The following EHD2 variants were observed in gnomAD, a reference collection of about 807,000 sequenced individuals.
The protein encoded by EHD2 is EH domain-containing protein 2.
Under a neutral mutation model 41.0 loss-of-function variants are expected in EHD2, and 27 were observed. That is an observed-to-expected ratio of 0.66 (90% confidence interval 0.49 to 0.91). The LOEUF (loss-of-function observed/expected upper bound fraction) is 0.91. EHD2 is among the 40% of genes least tolerant of loss of function. The pLI, the probability that EHD2 is intolerant of heterozygous loss-of-function variation, is 0.00. For synonymous variants in EHD2, 342 were observed against 341.0 expected (o/e 1.00, Z -0.03); for missense variants, 673 against 773.9 (o/e 0.87, Z 1.55).
At chr19:47,728,775 G>A (rs999329534) in intron 4 of EHD2, among the ~76,000 whole-genome samples, 2 of 151,976 alleles carry the variant, frequency 1.3e-5, no homozygotes, top group African/African-American at 4.8e-5. Flanking sequence ...TCACCATATT[G>A]GTCAGGCTGG....
intron 5 of EHD2, among the ~76,000 whole-genome samples, chr19:47,739,992 C>T (rs938148440): frequency 2.0e-5 from 3 of 152,224 alleles, no homozygotes; most frequent in African/African-American, 7.2e-5. Flanking sequence ...ACCTTGTTGC[C>T]CAAGTATCTT....
chr19:47,718,762 G>A (rs1288842933), intron 3 of EHD2, among the ~76,000 whole-genome samples, 156 bp downstream of exon 3: 1 of 133,996 alleles, frequency 7.5e-6, no homozygotes, highest in African/African-American at 3.2e-5. Flanking sequence ...GCTGGGGTCT[G>A]GACTCCTGGA....
intron 5 of EHD2, 106 bp from the exon 6 acceptor site, chr19:47,740,775 C>T (rs940985586): frequency 8.1e-7 from 1 of 1,227,294 alleles, no homozygotes; most frequent in Non-Finnish European, 1.1e-6. Context: ...AAAAACCCCA[C>T]AACAGCTACC....
intron 5 of EHD2, among the ~76,000 whole-genome samples, chr19:47,737,201 G>A (rs528642200): frequency 8.8e-5 from 13 of 146,978 alleles, no homozygotes; most frequent in African/African-American, 2.8e-4. Flanking sequence ...ACTTTACTCC[G>A]GCCTAGGCAA....
chr19:47,726,698 A>G (rs1973757130), intron 4 of EHD2, among the ~76,000 whole-genome samples: 1 of 150,272 alleles, frequency 6.7e-6, no homozygotes, highest in South Asian at 2.1e-4. Flanking sequence ...TTTTTAAGAG[A>G]TGGAGTCTCG....
chr19:47,741,669 T>TCA lies in EHD2; in HGVS notation c.*247_*248dup. 1.6e-6 allele frequency: 1 copy of TCA among 628,564 alleles called. No individual in the cohort carries two copies. Among genetic ancestry groups the TCA allele is most frequent in the Non-Finnish European group, 2.8e-6 (1 of 353,710 alleles). 38.9% of individuals were successfully genotyped at this position (628,564 alleles called of 1,614,324 possible). On this transcript the variant is annotated 3_prime_UTR_variant, in exon 6 of 6. Coordinates refer to ENST00000263277, the MANE Select transcript of EHD2 (RefSeq NM_014601.4). This position sits in a 1 kb window ranked among gnomAD's most constrained non-coding sequence, Gnocchi z 4.5. ...CCAGCCTCACGTTCACTTAGGCACA[T>TCA]CACACACACACTGGCACACGCAGGC...
At chr19:47,727,129 A>T (rs1973761377) in intron 4 of EHD2, among the ~76,000 whole-genome samples, 1 of 151,554 alleles carries the variant, frequency 6.6e-6, no homozygotes, top group South Asian at 2.1e-4. Context: ...TTTGAGACGG[A>T]GTTTTGCTCT....
rs377072399 is a variant in EHD2, at chr19:47,736,413, T to C, written c.960T>C (p.Ser320=). 9.3e-6 allele frequency: 15 copies of C among 1,613,312 alleles called. No homozygotes were observed. Among genetic ancestry groups the C allele is most frequent in the Admixed American group, 1.7e-5 (1 of 59,872 alleles). Residue 320 remains serine, a synonymous_variant, in exon 5 of 6, where the codon TCT becomes TCC. Coordinates refer to ENST00000263277, the MANE Select transcript of EHD2 (RefSeq NM_014601.4). The stretch of plus-strand genomic sequence containing the variant: ...GCTACCTGAAGAAGGAGATGCCCTC[T>C]GTGTTTGGGAAGGAGAACAAGAAGA... ...IISYLKKEMP[S]VFGKENKKKQ...
At chr19:47,723,315 C>T (rs779051003) in intron 3 of EHD2, among the ~76,000 whole-genome samples, 6 of 152,156 alleles carry the variant, frequency 3.9e-5, no homozygotes, top group Non-Finnish European at 7.3e-5. Flanking sequence ...GTACATCCAG[C>T]ACTGTTTTTA....
rs1052848393 is a variant in EHD2, at chr19:47,719,102, C to A, written c.502+496C>A. Among the ~76,000 whole-genome samples the A allele has an allele frequency of 3.3e-5, 5 of 152,086 alleles. No individual in the cohort carries two copies. Among genetic ancestry groups the A allele is most frequent in the Non-Finnish European group, 5.9e-5 (4 of 68,008 alleles). ...GCTGTGACTGCTCCATGCTGGCTCG[C>A]ATTGATGGGTGGGGGAGGTGTGTGG... On this transcript the variant is annotated intron_variant, in intron 3 of 5. Coordinates refer to ENST00000263277, the MANE Select transcript of EHD2 (RefSeq NM_014601.4). This position sits in a 1 kb window ranked among gnomAD's most constrained non-coding sequence, Gnocchi z 4.1.
At chr19:47,725,786 C>A (rs772046356) in intron 3 of EHD2, 26 bp from the exon 4 acceptor site, 2 of 1,555,552 alleles carry the variant, frequency 1.3e-6, no homozygotes, top group Non-Finnish European at 1.7e-6. Flanking sequence ...GCCCCTTGCG[C>A]CCCTGTCTCT....
At chr19:47,739,181 A>G (rs1428304018) in intron 5 of EHD2, among the ~76,000 whole-genome samples, 1 of 151,504 alleles carries the variant, frequency 6.6e-6, no homozygotes, top group Non-Finnish European at 1.5e-5. Context: ...CGCTCACTGC[A>G]ACCTCTGTCT....
At chr19:47,739,957 T>TG (rs1265372058) in intron 5 of EHD2, among the ~76,000 whole-genome samples, 1 of 152,168 alleles carries the variant, frequency 6.6e-6, no homozygotes, top group Non-Finnish European at 1.5e-5. Context: ...CCAGTAATTC[T>TG]GGGGCACAGG....
chr19:47,715,611 G>T (rs942242976), intron 1 of EHD2, among the ~76,000 whole-genome samples: 1 of 152,078 alleles, frequency 6.6e-6, no homozygotes, highest in Non-Finnish European at 1.5e-5. Context: ...AATGATGGAA[G>T]GGAGAAGGGA....
chr19:47,717,199 C>G (rs1055730833), intron 2 of EHD2, among the ~76,000 whole-genome samples, 183 bp downstream of exon 2: 5 of 152,110 alleles, frequency 3.3e-5, no homozygotes, highest in African/African-American at 1.2e-4. Context: ...AGACACCCAC[C>G]ACCACGCCAA....
Position 47,733,539 on chromosome 19 carries a change from C to T in EHD2, c.916-2830C>T, listed in dbSNP as rs150673801. Among the ~76,000 whole-genome samples the T allele has an allele frequency of 3.8e-3, 575 of 151,024 alleles. 5 individuals carry two copies. Among genetic ancestry groups the T allele is most frequent in the African/African-American group, 0.013 (553 of 41,176 alleles). On this transcript the variant is annotated intron_variant, in intron 4 of 5. Coordinates refer to ENST00000263277, the MANE Select transcript of EHD2 (RefSeq NM_014601.4). ...ATACAAAAATTATCATGGTGGCGGG[C>T]GCCTGTAGTCCCAGCTACTTGGGAG... is the stretch of plus-strand genomic sequence containing the variant.
Position 47,742,089 on chromosome 19 carries a change from C to G in EHD2, c.*657C>G. The G allele has an allele frequency of 2.8e-6, 1 of 360,042 alleles. No individual in the cohort carries two copies. Among genetic ancestry groups the G allele is most frequent in the South Asian group, 2.1e-5 (1 of 48,518 alleles). 22.3% of individuals were successfully genotyped at this position (360,042 alleles called of 1,614,324 possible). A position where few individuals can be genotyped will look rare whatever the true frequency, so the allele number is the denominator to read the frequency against. ...CCCCTCCGCAGCCCCTTCCCTTGCT[C>G]GGGGAAAGCCCCCAATTCTGCCCAC... On this transcript the variant is annotated 3_prime_UTR_variant, in exon 6 of 6. Coordinates refer to ENST00000263277, the MANE Select transcript of EHD2 (RefSeq NM_014601.4).
intron 4 of EHD2, among the ~76,000 whole-genome samples, chr19:47,734,107 G>A (rs758382150): frequency 2.6e-5 from 4 of 152,194 alleles, no homozygotes; most frequent in Non-Finnish European, 4.4e-5. Flanking sequence ...GCCACCTTGG[G>A]TGTCTCCCCA....
At position 47,719,004 on chromosome 19, in the gene EHD2, G is replaced by A. The variant is rs191185982; in HGVS notation, c.502+398G>A. Among the ~76,000 whole-genome samples, 213 of 152,210 alleles carry A rather than the reference G, an allele frequency of 1.4e-3. No individual in the cohort carries two copies. Among genetic ancestry groups the A allele is most frequent in the African/African-American group, 4.9e-3 (202 of 41,550 alleles). The stretch of plus-strand genomic sequence containing the variant: ...CTCCTGGGTCTAGAGGAGGAGGGGC[G>A]GTGTCTCCGCTGGGACTTGGGCCTG... On this transcript the variant is annotated intron_variant, in intron 3 of 5. Coordinates refer to ENST00000263277, the MANE Select transcript of EHD2 (RefSeq NM_014601.4). This position sits in a 1 kb window ranked among gnomAD's most constrained non-coding sequence, Gnocchi z 4.1.
Sources: gnomAD v4.1 joint callset for allele counts (sites outside exome capture counted in the v4.1 genomes callset) on GRCh38, gnomAD v4.1.1 for gene constraint, Gnocchi (gnomAD v3.1) non-coding constraint, MANE v1.5 for transcripts, NCBI Gene and HGNC (gene_info 2026-07-23, HGNC 2026-07-21) for gene names.